ADGRL3: variants seen among roughly 807,000 people sequenced by gnomAD.
The protein encoded by ADGRL3 is adhesion G protein-coupled receptor L3, also known as calcium-independent alpha-latrotoxin receptor 3.
In ADGRL3, 62 loss-of-function variants were observed where a neutral mutation model predicts 153.5. The observed-to-expected ratio is 0.40, with a 90% CI of 0.33 to 0.50. ADGRL3 has a LOEUF of 0.50. ADGRL3 is among the 20% of genes least tolerant of loss of function. The pLI, the probability that ADGRL3 is intolerant of heterozygous loss-of-function variation, is 0.47. For synonymous variants in ADGRL3, 710 were observed against 672.5 expected (o/e 1.06, Z -0.86); for missense variants, 1,641 against 1,859.4 (o/e 0.88, Z 2.16).
chr4:61,486,984 A>G (rs2098202094), intron 2 of ADGRL3, among the ~76,000 whole-genome samples: 2 of 152,188 alleles, frequency 1.3e-5, no homozygotes, highest in Non-Finnish European at 2.9e-5. Flanking sequence ...AAGATATTGA[A>G]GGCCTGTTTA....
chr4:61,768,070 C>T (rs1028168941), intron 8 of ADGRL3, among the ~76,000 whole-genome samples: 35 of 152,092 alleles, frequency 2.3e-4, no homozygotes, highest in Non-Finnish European at 4.3e-4. Context: ...TGCTGCCAAA[C>T]GAGCCATGAA....
In ADGRL3 at chr4:61,577,681, C is replaced by T. The variant is rs937716762; in HGVS notation, c.260-9546C>T. Among the ~76,000 whole-genome samples, 8 of 151,584 alleles carry T rather than the reference C, an allele frequency of 5.3e-5. No homozygotes were observed. In the East Asian group the frequency reaches 1.2e-3, roughly 22 times the overall value. On this transcript the variant is annotated intron_variant, in intron 4 of 26. Coordinates refer to ENST00000683033, the MANE Select transcript of ADGRL3 (RefSeq NM_001387552.1). ...AAAAAAAATTAGCCAGGCATGGTGGCGCATGGCTGTAGTTCCAGCTACTAA... is the reference window on the plus strand; with the variant it reads ...AAAAAAAATTAGCCAGGCATGGTGGTGCATGGCTGTAGTTCCAGCTACTAA...
At chr4:61,870,922 C>T (rs1444558511) in intron 9 of ADGRL3, among the ~76,000 whole-genome samples, 4 of 152,134 alleles carry the variant, frequency 2.6e-5, no homozygotes, top group Non-Finnish European at 5.9e-5. Context: ...TACCAGATGA[C>T]CCAGCAATTC....
chr4:61,530,635 A>G lies in ADGRL3; in HGVS notation c.259+13117A>G, dbSNP rs139825059. On this transcript the variant is annotated intron_variant, in intron 4 of 26. Transcript: ENST00000683033. Reference sequence around the variant, plus strand: ...TTTAAGTTTCCCTGCACCCCAGCTTAGATGATCTGATTCTACTACAAATAT... The same window carrying G: ...TTTAAGTTTCCCTGCACCCCAGCTTGGATGATCTGATTCTACTACAAATAT... Among the ~76,000 whole-genome samples the G allele has an allele frequency of 1.6e-4, 24 of 152,248 alleles. No homozygotes were observed. In the East Asian group the frequency reaches 4.6e-3, roughly 29 times the overall value.
At chr4:61,565,711 T>A (rs766614853) in intron 4 of ADGRL3, among the ~76,000 whole-genome samples, 6 of 151,888 alleles carry the variant, frequency 4.0e-5, no homozygotes, top group Non-Finnish European at 8.8e-5. Flanking sequence ...CTAATTTTTG[T>A]ATTTTTAGTA....
intron 2 of ADGRL3, among the ~76,000 whole-genome samples, chr4:61,468,753 GA>G (rs1309030922): frequency 6.6e-6 from 1 of 151,982 alleles, no homozygotes; most frequent in East Asian, 1.9e-4. Flanking sequence ...CTGGCATAAA[GA>G]GAGTGAATGT....
intron 2 of ADGRL3, among the ~76,000 whole-genome samples, chr4:61,424,592 A>G (rs928862876): frequency 6.6e-6 from 1 of 152,154 alleles, no homozygotes; most frequent in Non-Finnish European, 1.5e-5. Flanking sequence ...GGCTGCTATT[A>G]TGTTTTGTTG....
At chr4:61,694,308 A>T (rs933222167) in intron 6 of ADGRL3, among the ~76,000 whole-genome samples, 1 of 145,656 alleles carries the variant, frequency 6.9e-6, no homozygotes, top group Non-Finnish European at 1.5e-5. Context: ...AAGTATCGGG[A>T]TTACATGCTC....
At chr4:61,595,921 C>G (rs192651006) in intron 5 of ADGRL3, among the ~76,000 whole-genome samples, 1 of 152,104 alleles carries the variant, frequency 6.6e-6, no homozygotes, top group Non-Finnish European at 1.5e-5. Flanking sequence ...TGGTTTAATT[C>G]TCTGCTGTGA....
At chr4:61,758,852 G>A (rs2096872459) in intron 8 of ADGRL3, among the ~76,000 whole-genome samples, 1 of 152,188 alleles carries the variant, frequency 6.6e-6, no homozygotes, top group Non-Finnish European at 1.5e-5. Context: ...GCTTCCTTCA[G>A]GAGCTCTTGT....
intron 3 of ADGRL3, among the ~76,000 whole-genome samples, chr4:61,499,153 G>C (rs2098355106): frequency 6.6e-6 from 1 of 152,082 alleles, no homozygotes. Context: ...AACATGCATT[G>C]CATTTTGCTG....
At chr4:61,380,719 T>C (rs935285923) in intron 1 of ADGRL3, among the ~76,000 whole-genome samples, 5 of 151,958 alleles carry the variant, frequency 3.3e-5, no homozygotes, top group African/African-American at 9.7e-5. Context: ...GCTATGAACA[T>C]ATATTTGCCG....
intron 2 of ADGRL3, among the ~76,000 whole-genome samples, chr4:61,438,918 A>G (rs1304458536): frequency 6.6e-6 from 1 of 151,984 alleles, no homozygotes; most frequent in South Asian, 2.1e-4. Context: ...CATTTTAGCC[A>G]GGATGGTCTC....
In ADGRL3 at chr4:61,924,376, T is replaced by A. The variant is rs1001772594; in HGVS notation, c.2113-10464T>A. ...TCCACACTTTATACATTCACACCCT[T>A]GGTGATCTCATTGATTTAAATACCA... On this transcript the variant is annotated intron_variant, in intron 13 of 26. Coordinates refer to ENST00000683033, the MANE Select transcript of ADGRL3 (RefSeq NM_001387552.1). Among the ~76,000 whole-genome samples, 4 of 152,166 alleles carry A rather than the reference T, an allele frequency of 2.6e-5. No individual in the cohort carries two copies. The East Asian group carries it at 7.7e-4, about 29-fold the overall frequency.
intron 2 of ADGRL3, among the ~76,000 whole-genome samples, chr4:61,483,072 T>C (rs1173635459): frequency 2.0e-5 from 3 of 152,196 alleles, no homozygotes; most frequent in Non-Finnish European, 4.4e-5. Flanking sequence ...AAGTGAGATA[T>C]GTTTGTCCAC....
intron 17 of ADGRL3, among the ~76,000 whole-genome samples, chr4:61,964,202 T>C (rs867853023): frequency 6.6e-6 from 1 of 152,342 alleles, no homozygotes; most frequent in Middle Eastern, 3.4e-3. Flanking sequence ...TATTAATTGA[T>C]CAAATATGAC....
chr4:61,440,250 A>G (rs375230250), intron 2 of ADGRL3, among the ~76,000 whole-genome samples: 10 of 152,132 alleles, frequency 6.6e-5, no homozygotes, highest in East Asian at 3.9e-4. Context: ...GGTTTCGCCA[A>G]TGTTGGTCAG....
chr4:61,269,193 T>C (rs2093020067), intron 1 of ADGRL3, among the ~76,000 whole-genome samples: 1 of 151,628 alleles, frequency 6.6e-6, no homozygotes, highest in South Asian at 2.1e-4. Flanking sequence ...GTATGACCAG[T>C]TTTAATTAGA....
chr4:61,353,130 G>C (rs1181292577), intron 1 of ADGRL3, among the ~76,000 whole-genome samples: 4 of 152,162 alleles, frequency 2.6e-5, no homozygotes, highest in East Asian at 3.9e-4. Context: ...AGTGATCCAG[G>C]TAGTTTATAT....
Sources: allele counts gnomAD v4.1 joint callset (sites outside exome capture counted in the v4.1 genomes callset), GRCh38; gene constraint gnomAD v4.1.1; transcripts MANE v1.5; gene names NCBI Gene and HGNC (gene_info 2026-07-23, HGNC 2026-07-21).